Variants in PKD2L1 observed in about 807,000 individuals in gnomAD.
PKD2L1 encodes polycystin-2-like protein 1.
In PKD2L1, 77 loss-of-function variants were observed where a neutral mutation model predicts 93.0. The observed-to-expected ratio is 0.83, with a 90% CI of 0.69 to 1.00. The LOEUF is 1.00. Ranked by LOEUF, PKD2L1 falls within the 50% of genes least tolerant of loss-of-function variation. PKD2L1 has a pLI of 0.00. For synonymous variants in PKD2L1, 390 were observed against 388.0 expected (o/e 1.01, Z -0.06); for missense variants, 977 against 990.9 (o/e 0.99, Z 0.19).
intron 2 of PKD2L1, among the ~76,000 whole-genome samples, chr10:100,326,994 G>T (rs1211103057): frequency 1.3e-5 from 2 of 152,182 alleles, no homozygotes; most frequent in Non-Finnish European, 2.9e-5. Flanking sequence ...CAGTTGAAAG[G>T]TTGTCACTTC....
chr10:100,288,629 G>C (rs1564877524), intron 15 of PKD2L1, 151 bp from the exon 16 acceptor site: 8 of 617,802 alleles, frequency 1.3e-5, no homozygotes, highest in Admixed American at 2.8e-5. Context: ...GGCTATCCAG[G>C]TGCTTAGGAA....
At position 100,318,125 on chromosome 10, in the gene PKD2L1, A is replaced by G. The variant is rs566696214; in HGVS notation, c.349+11086T>C. Among the ~76,000 whole-genome samples, 98 of 151,984 alleles carry G rather than the reference A, an allele frequency of 6.4e-4. 3 individuals are homozygous for G. In the South Asian group the frequency reaches 0.02, roughly 30 times the overall value. On this transcript the variant is annotated intron_variant, in intron 2 of 15. Coordinates refer to ENST00000318222, the MANE Select transcript of PKD2L1 (RefSeq NM_016112.3). ...GAAGAAAAGATTGCCCTCATTCCTT[A>G]TTTTTGTGAGTAGAACCTCTGCCCA...
chr10:100,307,615 G>A (rs1056619730), intron 2 of PKD2L1, among the ~76,000 whole-genome samples: 16 of 152,154 alleles, frequency 1.1e-4, no homozygotes, highest in Admixed American at 3.9e-4. Context: ...AGCAGTGATC[G>A]TGACATTGCA....
intron 2 of PKD2L1, among the ~76,000 whole-genome samples, chr10:100,312,520 C>G (rs985446033): frequency 1.3e-5 from 2 of 152,140 alleles, no homozygotes; most frequent in Non-Finnish European, 2.9e-5. Context: ...AAGAATAGAC[C>G]TATAGATACT....
intron 2 of PKD2L1, among the ~76,000 whole-genome samples, chr10:100,315,065 G>A (rs1344906114): frequency 2.4e-4 from 5 of 20,416 alleles, no homozygotes; most frequent in East Asian, 3.9e-3. Flanking sequence ...GGAAGGGAAG[G>A]GAAGGGAAGG....
Position 100,293,030 on chromosome 10 carries a change from C to G in PKD2L1, c.1798G>C (p.Glu600Gln). The G allele has an allele frequency of 6.2e-7, 1 of 1,614,190 alleles. No homozygotes were observed. The highest frequency in any genetic ancestry group is 8.5e-7 in the Non-Finnish European group (1 of 1,180,022). The change falls in exon 11 of 16, where the codon GAG (glutamate) becomes CAG (glutamine). Residue 600 changes from glutamate (E) to glutamine (Q), a missense_variant. Physicochemically the swap from Glu to Gln is conservative, Grantham distance 29. Coordinates refer to ENST00000318222, the MANE Select transcript of PKD2L1 (RefSeq NM_016112.3). ...KTLLRLRLRK[E>Q]RVSDVQKVLQ... is the part of the protein sequence containing the mutation. ...ACCTTCTGCACATCCGAAACCCTCT[C>G]CTTCCTCAGACGCAGTCTTAGTAGG...
At chr10:100,316,296 C>T (rs779244775) in intron 2 of PKD2L1, among the ~76,000 whole-genome samples, 3 of 152,188 alleles carry the variant, frequency 2.0e-5, no homozygotes, top group Non-Finnish European at 4.4e-5. Flanking sequence ...CCTCAGCCTC[C>T]GGAGTAGCTA....
chr10:100,317,075 T>A (rs1452709990), intron 2 of PKD2L1, among the ~76,000 whole-genome samples: 1 of 151,880 alleles, frequency 6.6e-6, no homozygotes, highest in Non-Finnish European at 1.5e-5. Context: ...GTGACAGAGC[T>A]GAGATTCCAT....
At chr10:100,289,097 T>C in intron 14 of PKD2L1, 41 bp from the exon 15 acceptor site, 1 of 1,420,132 alleles carries the variant, frequency 7.0e-7, no homozygotes, top group Non-Finnish European at 9.9e-7. Flanking sequence ...GAAGAAATAG[T>C]TTGTGTACCA....
Position 100,315,083 on chromosome 10 carries a change from AG to A in PKD2L1, c.349+14127del, listed in dbSNP as rs1564891455. On this transcript the variant is annotated intron_variant, in intron 2 of 15. Coordinates refer to ENST00000318222, the MANE Select transcript of PKD2L1 (RefSeq NM_016112.3). ...AGGGAAGGGAAGGGAAGGGAAGGGA[AG>A]GGAAGGGAAGGGAAGGGAAGGGAAG... Among the ~76,000 whole-genome samples, 18 of 34,126 alleles carry A rather than the reference AG, an allele frequency of 5.3e-4. 2 individuals are homozygous for A. Among genetic ancestry groups the A allele is most frequent in the African/African-American group, 2.2e-3 (18 of 8,362 alleles). 22.4% of individuals were successfully genotyped at this position (34,126 alleles called of 152,430 possible). A position where few individuals can be genotyped will look rare whatever the true frequency, so the allele number is the denominator to read the frequency against.
chr10:100,296,312 G>A lies in PKD2L1; in HGVS notation c.1186-20C>T. Reference sequence around the variant, plus strand: ...GGAGAGCTGTCACACAGGGGTCATGGGGGTGTCAGAGAAGGCAAGGGGATC... The same window carrying A: ...GGAGAGCTGTCACACAGGGGTCATGAGGGTGTCAGAGAAGGCAAGGGGATC... On this transcript the variant is annotated intron_variant, in intron 6 of 15. Coordinates refer to ENST00000318222, the MANE Select transcript of PKD2L1 (RefSeq NM_016112.3). The A allele has an allele frequency of 6.5e-7, 1 of 1,549,836 alleles. No individual in the cohort carries two copies. The highest frequency in any genetic ancestry group is 8.7e-7 in the Non-Finnish European group (1 of 1,154,462).
At position 100,297,703 on chromosome 10, in the gene PKD2L1, TG is replaced by T. The variant is rs1222709526; in HGVS notation, c.732-98del. On this transcript the variant is annotated intron_variant, in intron 4 of 15. Coordinates refer to ENST00000318222, the MANE Select transcript of PKD2L1 (RefSeq NM_016112.3). The stretch of plus-strand genomic sequence containing the variant: ...GTCTGGGCTTTACAGGTTTACATAT[TG>T]TGTGTGTGTGTGTGTGTGTGTGTGT... 37 of 22,918 alleles carry T rather than the reference TG, an allele frequency of 1.6e-3. 1 individual carries two copies. Among genetic ancestry groups the T allele is most frequent in the Admixed American group, 5.7e-3 (5 of 880 alleles). The allele number at this position is 22,918 out of a possible 1,614,324, so 1.4% of individuals were successfully genotyped here.
chr10:100,306,904 A>C (rs2133554125), intron 2 of PKD2L1, among the ~76,000 whole-genome samples: 1 of 151,396 alleles, frequency 6.6e-6, no homozygotes, highest in South Asian at 2.1e-4. Flanking sequence ...AAGAAAAAAC[A>C]AAAACAAAAA....
At chr10:100,304,550 G>A (rs1848756063) in intron 2 of PKD2L1, among the ~76,000 whole-genome samples, 1 of 151,814 alleles carries the variant, frequency 6.6e-6, no homozygotes, top group Admixed American at 6.6e-5. Context: ...CTGGAGTGGG[G>A]TGGCACTATC....
At chr10:100,321,258 G>T (rs897626672) in intron 2 of PKD2L1, among the ~76,000 whole-genome samples, 1 of 152,024 alleles carries the variant, frequency 6.6e-6, no homozygotes, top group Non-Finnish European at 1.5e-5. Flanking sequence ...AGGAGTTTGA[G>T]ACCAGCCTGG....
At chr10:100,315,069 G>T in intron 2 of PKD2L1, among the ~76,000 whole-genome samples, 1 of 25,510 alleles carries the variant, frequency 3.9e-5, no homozygotes, top group African/African-American at 1.5e-4. Flanking sequence ...GGGAAGGGAA[G>T]GGAAGGGAAG....
intron 2 of PKD2L1, among the ~76,000 whole-genome samples, chr10:100,321,275 T>C (rs1849220599): frequency 6.6e-6 from 1 of 151,938 alleles, no homozygotes; most frequent in Non-Finnish European, 1.5e-5. Flanking sequence ...CTGGCCAATA[T>C]GGTGAAACCT....
At chr10:100,310,288 G>C (rs1436731403) in intron 2 of PKD2L1, among the ~76,000 whole-genome samples, 1 of 152,178 alleles carries the variant, frequency 6.6e-6, no homozygotes, top group African/African-American at 2.4e-5. Flanking sequence ...ACCATGAGCT[G>C]TGTATGCGCC....
chr10:100,289,868 G>A (rs1480147821), intron 14 of PKD2L1, 147 bp downstream of exon 14: 3 of 967,088 alleles, frequency 3.1e-6, no homozygotes, highest in Non-Finnish European at 4.7e-6. Context: ...ACCCATCTCT[G>A]CTGATACACT....
Sources: allele counts gnomAD v4.1 joint callset (sites outside exome capture counted in the v4.1 genomes callset), GRCh38; gene constraint gnomAD v4.1.1; transcripts MANE v1.5; gene names NCBI Gene and HGNC (gene_info 2026-07-23, HGNC 2026-07-21).